Variants in CERS3 observed in about 807,000 individuals in gnomAD.
CERS3 encodes ceramide synthase 3, also known as LAG1 homolog, ceramide synthase 3.
Under a neutral mutation model 50.3 loss-of-function variants are expected in CERS3, and 33 were observed. The ratio of observed to expected loss-of-function variants is 0.66; its 90% CI spans 0.50 to 0.88. The LOEUF (loss-of-function observed/expected upper bound fraction) is 0.88, where lower values mean the gene tolerates loss of function less well. Ranked by LOEUF, CERS3 falls within the 40% of genes least tolerant of loss-of-function variation. The pLI, the probability that CERS3 is intolerant of heterozygous loss-of-function variation, is 0.00. For missense variants in CERS3, 470 were observed against 460.3 expected, an observed-to-expected ratio of 1.02 and a Z score of -0.19; for synonymous variants, 176 against 155.2, an observed-to-expected ratio of 1.13 and a Z score of -0.99.
chr15:100,488,223 C>G (rs559772244), intron 4 of CERS3, among the ~76,000 whole-genome samples: 2 of 152,298 alleles, frequency 1.3e-5, no homozygotes, highest in African/African-American at 4.8e-5. Flanking sequence ...GCTAACCAGC[C>G]CACAGTAGAT....
intron 3 of CERS3, among the ~76,000 whole-genome samples, chr15:100,496,187 G>C (rs73473858): frequency 0.12 from 18,462 of 152,110 alleles, 1,958 homozygotes; most frequent in African/African-American, 0.29. Context: ...TTAGCTCTTT[G>C]CCAAGAGAAA....
At chr15:100,500,858 T>C (rs1217852738) in intron 3 of CERS3, among the ~76,000 whole-genome samples, 1 of 152,240 alleles carries the variant, frequency 6.6e-6, no homozygotes, top group Non-Finnish European at 1.5e-5. Flanking sequence ...TATAAACATA[T>C]GATCTGCATT....
intron 3 of CERS3, among the ~76,000 whole-genome samples, 162 bp downstream of exon 3, chr15:100,501,515 G>T (rs1469144526): frequency 6.6e-6 from 1 of 152,140 alleles, no homozygotes; most frequent in Non-Finnish European, 1.5e-5. Flanking sequence ...ATAACATTTG[G>T]AGCGCATCTG....
chr15:100,405,409 C>T (rs79278423), intron 11 of CERS3, among the ~76,000 whole-genome samples: 2,497 of 152,120 alleles, frequency 0.016, 30 homozygotes, highest in Admixed American at 0.028. Context: ...AACTACAAAC[C>T]CATTAGAATA....
At chr15:100,435,064 C>T (rs2033334786) in intron 11 of CERS3, among the ~76,000 whole-genome samples, 1 of 152,192 alleles carries the variant, frequency 6.6e-6, no homozygotes, top group Non-Finnish European at 1.5e-5. Flanking sequence ...TGGAATCCCA[C>T]AGATATCAAT....
chr15:100,479,276 G>A (rs2035227739), intron 7 of CERS3, 152 bp downstream of exon 7: 4 of 497,346 alleles, frequency 8.0e-6, no homozygotes, highest in Non-Finnish European at 1.4e-5. Context: ...ACAAATGAGG[G>A]TCAATAAGGA....
At chr15:100,538,464 G>T (rs1258396632) in intron 1 of CERS3, among the ~76,000 whole-genome samples, 1 of 152,210 alleles carries the variant, frequency 6.6e-6, no homozygotes, top group African/African-American at 2.4e-5. Flanking sequence ...TCTAGGCAGA[G>T]GTTCCCAAAC....
rs1228025253 is a variant in CERS3, at chr15:100,501,575, GAACAA to G, written c.173+97_173+101del. ...CTGTGGCCCATTAGTGGCAACCTCT[GAACAA>G]CAGATTCTTTAAGGATCTCACTAAG... On this transcript the variant is annotated intron_variant, in intron 3 of 11. Transcript: ENST00000679737. 457 of 1,037,410 alleles carry G rather than the reference GAACAA, an allele frequency of 4.4e-4. 2 individuals carry two copies. The African/African-American group carries it at 6.2e-3, about 14-fold the overall frequency. 64.3% of individuals were successfully genotyped at this position (1,037,410 alleles called of 1,614,324 possible).
intron 11 of CERS3, among the ~76,000 whole-genome samples, chr15:100,446,890 C>T (rs1336592572): frequency 6.6e-6 from 1 of 152,144 alleles, no homozygotes; most frequent in Non-Finnish European, 1.5e-5. Context: ...AGCTGACCAT[C>T]AGTAACATTA....
At chr15:100,448,466 G>A (rs2034026434) in intron 11 of CERS3, among the ~76,000 whole-genome samples, 2 of 152,196 alleles carry the variant, frequency 1.3e-5, no homozygotes, top group Admixed American at 1.3e-4. Flanking sequence ...CCTAGCCACA[G>A]GAGAGGCTCT....
At chr15:100,529,365 G>A (rs2036883579), upstream of CERS3, 1 of 152,244 alleles carries the variant, frequency 6.6e-6, no homozygotes, top group Non-Finnish European at 1.5e-5. Context: ...CCACTAAGGA[G>A]CATTGGTCCA....
At chr15:100,437,418 C>T (rs1159201347) in intron 11 of CERS3, among the ~76,000 whole-genome samples, 1 of 152,142 alleles carries the variant, frequency 6.6e-6, no homozygotes, top group Non-Finnish European at 1.5e-5. Context: ...ATGTTGACAT[C>T]TACGAGGATG....
At chr15:100,452,741 T>C (rs1228003673) in intron 11 of CERS3, among the ~76,000 whole-genome samples, 1 of 151,764 alleles carries the variant, frequency 6.6e-6, no homozygotes, top group African/African-American at 2.4e-5. Flanking sequence ...ATAGACAAAA[T>C]AGATTGCTAG....
chr15:100,400,456 T>C lies in CERS3; in HGVS notation c.*2257A>G, dbSNP rs1322195565. ...TTACAATATTGATAGCACTGTGGAC[T>C]GCATTTTTATAAGGTCATCTGAAGA... is the stretch of plus-strand genomic sequence containing the variant. On this transcript the variant is annotated 3_prime_UTR_variant, in exon 12 of 12. Transcript: ENST00000679737. 1 of 152,238 alleles carries C rather than the reference T, an allele frequency of 6.6e-6. No homozygotes were observed. Among genetic ancestry groups the C allele is most frequent in the Non-Finnish European group, 1.5e-5 (1 of 68,042 alleles). The allele number at this position is 152,238 out of a possible 1,614,324, so 9.4% of individuals were successfully genotyped here. A position where few individuals can be genotyped will look rare whatever the true frequency, so the allele number is the denominator to read the frequency against.
intron 1 of CERS3, among the ~76,000 whole-genome samples, chr15:100,538,171 G>T (rs2037117236): frequency 6.6e-6 from 1 of 152,210 alleles, no homozygotes; most frequent in African/African-American, 2.4e-5. Context: ...GCTTTGCAGG[G>T]TACAGCCCTG....
Position 100,472,915 on chromosome 15 carries a change from A to G in CERS3, c.738+9T>C. ...TATTGTCATTAGTTTTTTAATGGCA[A>G]ACGTTTACCTCCAGCCAAATGTCAG... On this transcript the variant is annotated intron_variant, in intron 9 of 11. Transcript: ENST00000679737. 6.2e-7 allele frequency: 1 copy of G among 1,613,804 alleles called. No individual in the cohort carries two copies. Among genetic ancestry groups the G allele is most frequent in the Non-Finnish European group, 8.5e-7 (1 of 1,179,786 alleles).
intron 11 of CERS3, among the ~76,000 whole-genome samples, chr15:100,410,007 C>T (rs2031353101): frequency 6.6e-6 from 1 of 152,192 alleles, no homozygotes; most frequent in Non-Finnish European, 1.5e-5. Context: ...GGTTTTCCTA[C>T]AGTAGCCGCC....
At chr15:100,534,555 G>T (rs1040544621) in intron 1 of CERS3, among the ~76,000 whole-genome samples, 1 of 150,348 alleles carries the variant, frequency 6.7e-6, no homozygotes, top group African/African-American at 2.4e-5. Context: ...ACTGGAAATC[G>T]CTTAGGGCAA....
At chr15:100,404,068 G>C (rs2030784361) in intron 11 of CERS3, among the ~76,000 whole-genome samples, 1 of 152,224 alleles carries the variant, frequency 6.6e-6, no homozygotes, top group African/African-American at 2.4e-5. Context: ...ACAGAGAAGA[G>C]ACTGGAATGA....
Sources: gnomAD v4.1 joint callset for allele counts (sites outside exome capture counted in the v4.1 genomes callset) on GRCh38, gnomAD v4.1.1 for gene constraint, MANE v1.5 for transcripts, NCBI Gene and HGNC (gene_info 2026-07-23, HGNC 2026-07-21) for gene names.